The following GALNT17 variants were observed in gnomAD, a reference collection of about 807,000 sequenced individuals.
GALNT17 encodes polypeptide N-acetylgalactosaminyltransferase 17, also known as UDP-GalNAc:polypeptide N-acetylgalactosaminyltransferase-like 3.
A neutral mutation model predicts 63.7 loss-of-function variants in GALNT17; 29 were observed. The ratio of observed to expected loss-of-function variants is 0.46; its 90% CI spans 0.34 to 0.62. The LOEUF is 0.62. Ranked by LOEUF, GALNT17 falls within the 20% of genes least tolerant of loss-of-function variation. GALNT17 has a pLI of 0.01. For synonymous variants in GALNT17, 305 were observed against 318.3 expected, an observed-to-expected ratio of 0.96 and a Z score of 0.45; for missense variants, 603 against 799.6, an observed-to-expected ratio of 0.75 and a Z score of 2.97.
intron 9 of GALNT17, 29 bp downstream of exon 9, chr7:71,677,335 A>G (rs757352532): frequency 6.2e-7 from 1 of 1,603,776 alleles, no homozygotes; most frequent in Admixed American, 1.7e-5. Flanking sequence ...CCAGGAAGGA[A>G]GTAATATCAC....
intron 6 of GALNT17, among the ~76,000 whole-genome samples, chr7:71,596,266 C>G (rs879607057): frequency 1.6e-4 from 24 of 152,050 alleles, no homozygotes; most frequent in Non-Finnish European, 2.8e-4. Context: ...TCTCAAACTC[C>G]TGACCTCGTG....
At position 71,221,717 on chromosome 7, in the gene GALNT17, C is replaced by T. The variant is rs78324084; in HGVS notation, c.238+88677C>T. Among the ~76,000 whole-genome samples the T allele has an allele frequency of 9.7e-3, 1,479 of 152,228 alleles. 24 individuals carry two copies. Among genetic ancestry groups the T allele is most frequent in the African/African-American group, 0.034 (1,402 of 41,554 alleles). On this transcript the variant is annotated intron_variant, in intron 1 of 10. Coordinates refer to ENST00000333538, the MANE Select transcript of GALNT17 (RefSeq NM_022479.3). ...AAACTCATCTCTTTGCATCTCTGCACGCTGCTGCCTTTGATGTAAGCTTCA... is the reference window on the plus strand; with the variant it reads ...AAACTCATCTCTTTGCATCTCTGCATGCTGCTGCCTTTGATGTAAGCTTCA...
intron 2 of GALNT17, among the ~76,000 whole-genome samples, chr7:71,357,604 G>C (rs931255314): frequency 6.6e-6 from 1 of 152,132 alleles, no homozygotes; most frequent in Non-Finnish European, 1.5e-5. Context: ...AATGCCTTGA[G>C]TCATGCAGAT....
At chr7:71,454,414 T>C (rs569128566) in intron 5 of GALNT17, among the ~76,000 whole-genome samples, 1 of 152,318 alleles carries the variant, frequency 6.6e-6, no homozygotes, top group African/African-American at 2.4e-5. Flanking sequence ...GGTTCCTTTG[T>C]ATTATATTCC....
chr7:71,673,758 G>A (rs890157576), intron 8 of GALNT17, among the ~76,000 whole-genome samples: 3 of 152,136 alleles, frequency 2.0e-5, no homozygotes, highest in African/African-American at 7.2e-5. Flanking sequence ...GGGACTACAG[G>A]TACATATCAT....
chr7:71,379,044 C>T (rs1792796277), intron 2 of GALNT17, among the ~76,000 whole-genome samples: 1 of 152,064 alleles, frequency 6.6e-6, no homozygotes, highest in South Asian at 2.1e-4. Context: ...TGAACGCCTG[C>T]ACTCTTGGAG....
chr7:71,471,621 T>A (rs1787634182), intron 5 of GALNT17, among the ~76,000 whole-genome samples: 1 of 152,148 alleles, frequency 6.6e-6, no homozygotes. Context: ...TCCTAGATCC[T>A]TCTCTTCTCC....
intron 6 of GALNT17, among the ~76,000 whole-genome samples, chr7:71,663,900 C>T (rs1790944323): frequency 6.6e-6 from 1 of 152,202 alleles, no homozygotes; most frequent in Non-Finnish European, 1.5e-5. Flanking sequence ...CAAAAACTGT[C>T]ACTTATGCAG....
chr7:71,278,339 A>G (rs558578377), intron 1 of GALNT17, among the ~76,000 whole-genome samples: 2 of 152,328 alleles, frequency 1.3e-5, no homozygotes, highest in African/African-American at 4.8e-5. Context: ...AGAGCCTAGA[A>G]GTCTGAAACA....
At chr7:71,612,466 A>C (rs1790139819) in intron 6 of GALNT17, among the ~76,000 whole-genome samples, 1 of 152,218 alleles carries the variant, frequency 6.6e-6, no homozygotes, top group South Asian at 2.1e-4. Flanking sequence ...AAATTAGTTA[A>C]AGGAATGCGT....
intron 1 of GALNT17, among the ~76,000 whole-genome samples, chr7:71,267,721 A>C (rs1583814576): frequency 6.6e-6 from 1 of 152,196 alleles, no homozygotes; most frequent in Admixed American, 6.5e-5. Context: ...TCTGGGGTAC[A>C]GGTGCAGGAG....
intron 6 of GALNT17, among the ~76,000 whole-genome samples, chr7:71,663,666 G>T (rs1790940688): frequency 6.6e-6 from 1 of 152,200 alleles, no homozygotes; most frequent in Non-Finnish European, 1.5e-5. Flanking sequence ...TTTTCTATCT[G>T]TATCGTTTCC....
intron 1 of GALNT17, among the ~76,000 whole-genome samples, chr7:71,160,335 T>C (rs753326018): frequency 4.2e-4 from 64 of 152,250 alleles, no homozygotes; most frequent in Non-Finnish European, 8.5e-4. Flanking sequence ...ATTTTAGTTG[T>C]TGTATATTCA....
At chr7:71,206,303 T>A (rs1016106479) in intron 1 of GALNT17, among the ~76,000 whole-genome samples, 2 of 151,980 alleles carry the variant, frequency 1.3e-5, no homozygotes, top group African/African-American at 4.8e-5. Flanking sequence ...ATCTCCCACC[T>A]TCCCCAGTCC....
intron 1 of GALNT17, among the ~76,000 whole-genome samples, chr7:71,299,209 C>A (rs1436785362): frequency 6.6e-6 from 1 of 152,132 alleles, no homozygotes; most frequent in Non-Finnish European, 1.5e-5. Context: ...CCGCCTTGAC[C>A]CCCGGTGCAA....
intron 5 of GALNT17, among the ~76,000 whole-genome samples, chr7:71,547,486 A>G (rs765318620): frequency 1.3e-5 from 2 of 151,970 alleles, no homozygotes; most frequent in African/African-American, 4.8e-5. Flanking sequence ...GGGTTTCACC[A>G]TGTTGGCCAG....
At chr7:71,443,533 A>G (rs755130759) in intron 5 of GALNT17, among the ~76,000 whole-genome samples, 1 of 151,940 alleles carries the variant, frequency 6.6e-6, no homozygotes. Context: ...AGAGCATGGC[A>G]CTTTCCTTCT....
At chr7:71,155,485 G>C (rs1788218057) in intron 1 of GALNT17, among the ~76,000 whole-genome samples, 1 of 151,646 alleles carries the variant, frequency 6.6e-6, no homozygotes, top group Non-Finnish European at 1.5e-5. Context: ...TGTTGCCCGG[G>C]CTGGTCTCCA....
At chr7:71,333,997 T>G (rs1315253657) in intron 1 of GALNT17, among the ~76,000 whole-genome samples, 3 of 152,134 alleles carry the variant, frequency 2.0e-5, no homozygotes, top group Admixed American at 6.5e-5. Flanking sequence ...GGAAGCAGAT[T>G]CAGCATGAGG....
Sources: allele counts gnomAD v4.1 joint callset (sites outside exome capture counted in the v4.1 genomes callset), GRCh38; gene constraint gnomAD v4.1.1; transcripts MANE v1.5; gene names NCBI Gene and HGNC (gene_info 2026-07-23, HGNC 2026-07-21).